RGS8: variants seen among roughly 807,000 people sequenced by gnomAD.
RGS8 encodes the protein regulator of G protein signaling 8.
Under a neutral mutation model 21.7 loss-of-function variants are expected in RGS8, and 8 were observed. The ratio of observed to expected loss-of-function variants is 0.37; its 90% CI spans 0.22 to 0.66. RGS8 has a LOEUF of 0.66. Among genes scored for constraint, RGS8 ranks in the 30% least tolerant of loss-of-function variants. The probability of loss-of-function intolerance (pLI) is 0.59; values close to 1 mark genes in which losing one functional copy is unlikely to be tolerated. For missense variants in RGS8, 157 were observed against 217.9 expected (o/e 0.72, Z 1.76); for synonymous variants, 80 against 83.6 (o/e 0.96, Z 0.24).
the RGS8 span, among the ~76,000 whole-genome samples, chr1:182,736,192 A>G: frequency 1.3e-5 from 2 of 152,238 alleles, no homozygotes; most frequent in Non-Finnish European, 2.9e-5. Context: ...TTAAATGGTC[A>G]TGCTTGTACC....
the RGS8 span, among the ~76,000 whole-genome samples, chr1:182,690,294 A>G: frequency 2.0e-5 from 3 of 152,158 alleles, no homozygotes; most frequent in Non-Finnish European, 2.9e-5. Context: ...ACAATAGCAC[A>G]CTACTTTTCG....
the RGS8 span, among the ~76,000 whole-genome samples, chr1:182,742,212 A>G: frequency 6.7e-6 from 1 of 148,550 alleles, no homozygotes; most frequent in Non-Finnish European, 1.5e-5. Flanking sequence ...CTCACTTCCT[A>G]GATGGGATGG....
At chr1:182,705,009 T>C in the RGS8 span, among the ~76,000 whole-genome samples, 3 of 152,150 alleles carry the variant, frequency 2.0e-5, no homozygotes, top group African/African-American at 7.2e-5. Context: ...ATAGTAAGGG[T>C]AAGTACTGTT....
At chr1:182,741,780 G>A in the RGS8 span, among the ~76,000 whole-genome samples, 3 of 106,716 alleles carry the variant, frequency 2.8e-5, no homozygotes, top group African/African-American at 6.3e-5. Context: ...CTCCCGGACG[G>A]GGCGGCTGGC....
intron 5 of RGS8, among the ~76,000 whole-genome samples, chr1:182,648,543 G>A (rs1662816922): frequency 3.9e-5 from 6 of 151,900 alleles, no homozygotes; most frequent in Admixed American, 3.9e-4. Context: ...AGACCAGCCT[G>A]GCCAAAATTG....
At chr1:182,723,118 T>A in the RGS8 span, among the ~76,000 whole-genome samples, 1 of 152,204 alleles carries the variant, frequency 6.6e-6, no homozygotes, top group African/African-American at 2.4e-5. Flanking sequence ...CCAAATAAGG[T>A]CACATTTTGA....
intron 6 of RGS8, 113 bp downstream of exon 7, chr1:182,648,024 G>A (rs775432215): frequency 1.8e-4 from 165 of 907,928 alleles, no homozygotes; most frequent in Non-Finnish European, 2.4e-4. Flanking sequence ...AGAGTGATGA[G>A]GCTCAGTTTA....
chr1:182,701,736 C>T, the RGS8 span, among the ~76,000 whole-genome samples: 1 of 152,210 alleles, frequency 6.6e-6, no homozygotes, highest in Non-Finnish European at 1.5e-5. Flanking sequence ...CCCAGTCAAT[C>T]TTTGAGCTGA....
Position 182,681,991 on chromosome 1 carries a change from T to C in RGS8, n.221+2365A>G, listed in dbSNP as rs559577417. Among the ~76,000 whole-genome samples, 13 of 152,304 alleles carry C rather than the reference T, an allele frequency of 8.5e-5. No individual in the cohort carries two copies. In the South Asian group the frequency reaches 2.7e-3, roughly 32 times the overall value. On this transcript the variant is annotated intron_variant and non_coding_transcript_variant, in intron 1 of 4. Coordinates refer to the RGS8 transcript ENST00000515211. Reference sequence around the variant, plus strand: ...GTTCTGATGATGATGCTGATATTTCTTGGACGTGAAAAATACCCCCCAGGC... The same window carrying C: ...GTTCTGATGATGATGCTGATATTTCCTGGACGTGAAAAATACCCCCCAGGC...
At position 182,659,914 on chromosome 1, in the gene RGS8, G is replaced by A. The variant is rs181366310; in HGVS notation, c.193+6055C>T. Among the ~76,000 whole-genome samples the A allele has an allele frequency of 2.5e-4, 38 of 152,136 alleles. No individual in the cohort carries two copies. In the East Asian group the frequency reaches 6.6e-3, roughly 26 times the overall value. ...ACATGCATGGGGAGGTTTGAAGGGG[G>A]CCTGCCAAAAGCTCATGAGGCAAAG... On this transcript the variant is annotated intron_variant, in intron 5 of 6. Coordinates refer to ENST00000483095, the Ensembl canonical transcript of RGS8.
At chr1:182,673,563 T>C (rs1234756980), upstream of RGS8, among the ~76,000 whole-genome samples, 3 of 152,158 alleles carry the variant, frequency 2.0e-5, no homozygotes, top group Non-Finnish European at 2.9e-5. Context: ...TAAGATGAAA[T>C]AAAAATTCTG....
intron 5 of RGS8, among the ~76,000 whole-genome samples, chr1:182,664,220 G>T (rs1663739464): frequency 6.6e-6 from 1 of 151,850 alleles, no homozygotes; most frequent in South Asian, 2.1e-4. Context: ...ATAATTGGCA[G>T]CAAAATTTGT....
chr1:182,733,340 G>A, the RGS8 span, among the ~76,000 whole-genome samples: 1 of 152,216 alleles, frequency 6.6e-6, no homozygotes, highest in Non-Finnish European at 1.5e-5. Context: ...GAGAATTCAT[G>A]AAGGATTGTA....
chr1:182,744,380 C>T, the RGS8 span, among the ~76,000 whole-genome samples: 5 of 152,260 alleles, frequency 3.3e-5, no homozygotes, highest in South Asian at 6.2e-4. Context: ...TCAGTGCCTC[C>T]ACCTCCCAAA....
chr1:182,749,603 G>T, the RGS8 span, among the ~76,000 whole-genome samples: 1 of 152,062 alleles, frequency 6.6e-6, no homozygotes, highest in Non-Finnish European at 1.5e-5. Flanking sequence ...ATGAATTTTA[G>T]GATTTTTTTT....
the RGS8 span, among the ~76,000 whole-genome samples, chr1:182,739,094 T>C: frequency 1.3e-5 from 2 of 152,208 alleles, no homozygotes; most frequent in Admixed American, 6.5e-5. Context: ...CTAGCTGACA[T>C]TTATGGCTTC....
chr1:182,692,164 C>T, the RGS8 span, among the ~76,000 whole-genome samples: 2 of 152,064 alleles, frequency 1.3e-5, no homozygotes, highest in Non-Finnish European at 2.9e-5. Flanking sequence ...TGCCACCACA[C>T]CAGCTAATTT....
chr1:182,707,584 G>A, the RGS8 span, among the ~76,000 whole-genome samples: 2,525 of 152,278 alleles, frequency 0.017, 75 homozygotes, highest in African/African-American at 0.058. Context: ...TGATCTTTAT[G>A]GTTTGGCCAG....
chr1:182,699,912 TCACGG>T, the RGS8 span, among the ~76,000 whole-genome samples: 1 of 152,152 alleles, frequency 6.6e-6, no homozygotes, highest in Non-Finnish European at 1.5e-5. Context: ...ATGAGAGGTC[TCACGG>T]CAAATTTAAC....
Sources: gnomAD v4.1 joint callset for allele counts (sites outside exome capture counted in the v4.1 genomes callset) on GRCh38, gnomAD v4.1.1 for gene constraint, MANE v1.5 for transcripts, NCBI Gene and HGNC (gene_info 2026-07-23, HGNC 2026-07-21) for gene names.